DDHD1: variants seen among roughly 807,000 people sequenced by gnomAD.
DDHD1 encodes phospholipase DDHD1.
DDHD1 carries 49 observed loss-of-function variants against 96.4 expected under a neutral mutation model. The observed-to-expected ratio is 0.51, with a 90% CI of 0.40 to 0.64. The LOEUF (loss-of-function observed/expected upper bound fraction) is 0.64. DDHD1 is among the 30% of genes least tolerant of loss of function. The pLI, the probability that DDHD1 is intolerant of heterozygous loss-of-function variation, is 0.00. For synonymous variants in DDHD1, 442 were observed against 446.5 expected (o/e 0.99, Z 0.13); for missense variants, 1,106 against 1,161.2 (o/e 0.95, Z 0.69).
chr14:53,083,548 T>G (rs1183109109), intron 4 of DDHD1, among the ~76,000 whole-genome samples: 2 of 152,222 alleles, frequency 1.3e-5, no homozygotes, highest in African/African-American at 2.4e-5. Flanking sequence ...GAACTAATCA[T>G]TAGCAAGTTT....
At chr14:53,121,182 AG>A (rs1393912682) in intron 1 of DDHD1, among the ~76,000 whole-genome samples, 2 of 152,244 alleles carry the variant, frequency 1.3e-5, no homozygotes, top group African/African-American at 4.8e-5. Context: ...ATGAAAAAAA[AG>A]TTCATCATCA....
At position 53,128,055 on chromosome 14, in the gene DDHD1, A is replaced by G. The variant is rs577074352; in HGVS notation, c.839-24199T>C. Reference sequence around the variant, plus strand: ...TTCTCACGAGATCTAATGGTTTTATAAGGGGCTTTCCCCTCTTCGCTCTAT... The same window carrying G: ...TTCTCACGAGATCTAATGGTTTTATGAGGGGCTTTCCCCTCTTCGCTCTAT... On this transcript the variant is annotated intron_variant, in intron 1 of 12. Coordinates refer to ENST00000673822, the MANE Select transcript of DDHD1 (RefSeq NM_001160148.2). Among the ~76,000 whole-genome samples, 47 of 152,248 alleles carry G rather than the reference A, an allele frequency of 3.1e-4. 1 individual carries two copies. The highest frequency in any genetic ancestry group is 6.2e-4 in the South Asian group (3 of 4,814).
chr14:53,109,702 A>G (rs1004746366), intron 1 of DDHD1, among the ~76,000 whole-genome samples: 1 of 152,118 alleles, frequency 6.6e-6, no homozygotes, highest in Non-Finnish European at 1.5e-5. Flanking sequence ...AGCTCATCTC[A>G]TTTAACAATA....
intron 8 of DDHD1, among the ~76,000 whole-genome samples, chr14:53,059,120 TA>T (rs1474452049): frequency 6.6e-6 from 1 of 152,158 alleles, no homozygotes; most frequent in African/African-American, 2.4e-5. Context: ...CATTGGCCAG[TA>T]AAAGACGAGA....
chr14:53,150,750 C>T (rs1214364366), intron 1 of DDHD1, among the ~76,000 whole-genome samples: 1 of 152,162 alleles, frequency 6.6e-6, no homozygotes, highest in Non-Finnish European at 1.5e-5. Context: ...GAGTGGGAAG[C>T]TCTGAAAGGG....
intron 1 of DDHD1, among the ~76,000 whole-genome samples, chr14:53,123,115 GTTATTATTATTATTATTATTA>G (rs139846735): frequency 2.2e-4 from 31 of 138,454 alleles, no homozygotes; most frequent in South Asian, 9.6e-4. Context: ...GATAATTGCT[GTTATTATTATTATTATTATTA>G]TTATTATTAT....
chr14:53,121,178 A>T (rs1888952564), intron 1 of DDHD1, among the ~76,000 whole-genome samples: 1 of 152,262 alleles, frequency 6.6e-6, no homozygotes, highest in Non-Finnish European at 1.5e-5. Context: ...AAACATGAAA[A>T]AAAAGTTCAT....
At chr14:53,136,075 C>T (rs1415241072) in intron 1 of DDHD1, among the ~76,000 whole-genome samples, 2 of 152,078 alleles carry the variant, frequency 1.3e-5, no homozygotes, top group East Asian at 3.9e-4. Flanking sequence ...TTGTAATTTC[C>T]CCCACCCTTA....
intron 1 of DDHD1, among the ~76,000 whole-genome samples, chr14:53,151,227 G>A (rs1891332466): frequency 1.3e-5 from 2 of 152,336 alleles, no homozygotes; most frequent in South Asian, 2.1e-4. Context: ...CTAATAGAGG[G>A]CAGAGTGTTG....
intron 4 of DDHD1, among the ~76,000 whole-genome samples, chr14:53,084,924 A>G (rs1885808008): frequency 6.6e-6 from 1 of 152,228 alleles, no homozygotes; most frequent in Non-Finnish European, 1.5e-5. Flanking sequence ...TGCCACTTAA[A>G]TACTGTGCTT....
intron 1 of DDHD1, among the ~76,000 whole-genome samples, chr14:53,131,930 C>T (rs1363594330): frequency 6.6e-6 from 1 of 152,166 alleles, no homozygotes; most frequent in Non-Finnish European, 1.5e-5. Flanking sequence ...CCCTGCTGAT[C>T]ATGTCCAGCT....
chr14:53,135,709 G>C (rs1367059329), intron 1 of DDHD1, among the ~76,000 whole-genome samples: 1 of 152,220 alleles, frequency 6.6e-6, no homozygotes, highest in Non-Finnish European at 1.5e-5. Flanking sequence ...CAAGAATGAA[G>C]AGAGTAAATC....
Position 53,054,421 on chromosome 14 carries a change from A to G in DDHD1, c.2437+17T>C, listed in dbSNP as rs766097466. The G allele has an allele frequency of 2.5e-6, 4 of 1,609,340 alleles. No individual in the cohort carries two copies. The East Asian group carries it at 8.9e-5, about 36-fold the overall frequency. ...AAAGATACAGTATCAACTTAAGGAA[A>G]TAATGTATGAACTAACATGCAGAAT... On this transcript the variant is annotated intron_variant, in intron 11 of 12. Coordinates refer to ENST00000673822, the MANE Select transcript of DDHD1 (RefSeq NM_001160148.2).
chr14:53,038,768 T>G lies in DDHD1; in HGVS notation c.*8000A>C, dbSNP rs1271130520. The G allele has an allele frequency of 1.3e-5, 2 of 152,144 alleles. No individual in the cohort carries two copies. The highest frequency in any genetic ancestry group is 1.9e-4 in the East Asian group (1 of 5,196). 9.4% of individuals were successfully genotyped at this position (152,144 alleles called of 1,614,324 possible). On this transcript the variant is annotated 3_prime_UTR_variant, in exon 13 of 13. Coordinates refer to ENST00000673822, the MANE Select transcript of DDHD1 (RefSeq NM_001160148.2). ...AGCAGAAAGAACAAAGCCAGCAGCATCACACAGATGTGGCTTCAAACTATA... is the reference window on the plus strand; with the variant it reads ...AGCAGAAAGAACAAAGCCAGCAGCAGCACACAGATGTGGCTTCAAACTATA...
intron 4 of DDHD1, among the ~76,000 whole-genome samples, chr14:53,085,556 C>A (rs997980758): frequency 5.9e-5 from 9 of 152,126 alleles, no homozygotes; most frequent in Non-Finnish European, 4.4e-5. Context: ...AGCTGAGGGA[C>A]CTGACTGTTA....
At chr14:53,064,530 A>G (rs1486755114) in intron 6 of DDHD1, among the ~76,000 whole-genome samples, 1 of 152,116 alleles carries the variant, frequency 6.6e-6, no homozygotes, top group East Asian at 1.9e-4. Flanking sequence ...CAAATACTTC[A>G]TTAGTTTGGC....
At chr14:53,085,978 C>G (rs1227530454) in intron 4 of DDHD1, among the ~76,000 whole-genome samples, 1 of 152,162 alleles carries the variant, frequency 6.6e-6, no homozygotes, top group African/African-American at 2.4e-5. Flanking sequence ...AGCTGAAAAC[C>G]ATGACACGAG....
In DDHD1 at chr14:53,039,474, A is replaced by G. The variant is rs542113665; in HGVS notation, c.*7294T>C. 3 of 152,412 alleles carry G rather than the reference A, an allele frequency of 2.0e-5. No homozygotes were observed. In the East Asian group the frequency reaches 5.8e-4, roughly 29 times the overall value. 9.4% of individuals were successfully genotyped at this position (152,412 alleles called of 1,614,324 possible). ...CTCATCTCTTGACCATGGTACAGAC[A>G]GTGCTGATTGAGCTGCTGGTGCTTA... is the stretch of plus-strand genomic sequence containing the variant. On this transcript the variant is annotated 3_prime_UTR_variant, in exon 13 of 13. Coordinates refer to ENST00000673822, the MANE Select transcript of DDHD1 (RefSeq NM_001160148.2).
intron 12 of DDHD1, among the ~76,000 whole-genome samples, 184 bp from the exon 13 acceptor site, chr14:53,047,133 T>C (rs953269387): frequency 1.3e-5 from 2 of 152,298 alleles, no homozygotes; most frequent in South Asian, 2.1e-4. Context: ...AGTACAGGAT[T>C]CTATTTGTAA....
Sources: allele counts gnomAD v4.1 joint callset (sites outside exome capture counted in the v4.1 genomes callset), GRCh38; gene constraint gnomAD v4.1.1; transcripts MANE v1.5; gene names NCBI Gene and HGNC (gene_info 2026-07-23, HGNC 2026-07-21).